The following PEAK1 variants were observed in gnomAD, a reference collection of about 807,000 sequenced individuals.
PEAK1 encodes the protein pseudopodium enriched atypical kinase 1, also known as inactive tyrosine-protein kinase PEAK1.
PEAK1 carries 54 observed loss-of-function variants against 124.7 expected under a neutral mutation model. The ratio of observed to expected loss-of-function variants is 0.43; its 90% CI spans 0.35 to 0.54. PEAK1 has a LOEUF of 0.54. PEAK1 is among the 20% of genes least tolerant of loss of function. The probability of loss-of-function intolerance (pLI) is 0.01; values close to 1 mark genes in which losing one functional copy is unlikely to be tolerated. For missense variants in PEAK1, 2,046 were observed against 2,134.5 expected (o/e 0.96, Z 0.82); for synonymous variants, 719 against 760.0 (o/e 0.95, Z 0.89).
At chr15:77,147,178 T>TC (rs1186098217) in intron 8 of PEAK1, among the ~76,000 whole-genome samples, 3 of 152,206 alleles carry the variant, frequency 2.0e-5, no homozygotes, top group African/African-American at 7.2e-5. Flanking sequence ...GCCAGCTGAT[T>TC]AATGGAGCAC....
At chr15:77,313,917 G>A (rs546194155) in intron 2 of PEAK1, among the ~76,000 whole-genome samples, 1 of 151,388 alleles carries the variant, frequency 6.6e-6, no homozygotes, top group Non-Finnish European at 1.5e-5. Context: ...ATGGAAAGAG[G>A]GGAAAAGAAT....
chr15:77,321,420 G>A (rs371065162), intron 2 of PEAK1, among the ~76,000 whole-genome samples: 2 of 152,166 alleles, frequency 1.3e-5, no homozygotes, highest in East Asian at 1.9e-4. Context: ...GTGATGATGG[G>A]CATTTTTTCA....
At chr15:77,322,650 CA>C (rs1056156646) in intron 2 of PEAK1, among the ~76,000 whole-genome samples, 23 of 151,868 alleles carry the variant, frequency 1.5e-4, no homozygotes, top group African/African-American at 5.6e-4. Context: ...GCTTACCAAC[CA>C]AAAAAAGTCC....
At chr15:77,201,142 T>TA (rs1195782840) in intron 6 of PEAK1, among the ~76,000 whole-genome samples, 2 of 151,766 alleles carry the variant, frequency 1.3e-5, no homozygotes, top group Non-Finnish European at 2.9e-5. Flanking sequence ...AACAGATTAG[T>TA]AAAAAGGGGT....
In PEAK1 at chr15:77,404,544, T is replaced by C. The variant is rs2071644531; in HGVS notation, c.-666+15462A>G. ...CATTAAAATTAATTTCACCTGCTTT[T>C]TTGTACTTTTTTAAATGTGGCTACT... On this transcript the variant is annotated intron_variant, in intron 1 of 9. Transcript: ENST00000682557. 5 of 674,504 alleles carry C rather than the reference T, an allele frequency of 7.4e-6. No homozygotes were observed. In the South Asian group the frequency reaches 2.7e-4, roughly 36 times the overall value. The allele number at this position is 674,504 out of a possible 1,614,324, so 41.8% of individuals were successfully genotyped here.
chr15:77,269,433 A>C (rs2061913272), intron 5 of PEAK1, among the ~76,000 whole-genome samples: 1 of 152,204 alleles, frequency 6.6e-6, no homozygotes, highest in Non-Finnish European at 1.5e-5. Context: ...GAGATACTAC[A>C]TAATGATAAA....
chr15:77,223,565 G>A (rs1039437855), intron 6 of PEAK1, among the ~76,000 whole-genome samples: 1 of 151,992 alleles, frequency 6.6e-6, no homozygotes, highest in Non-Finnish European at 1.5e-5. Flanking sequence ...CTAGTGGAAA[G>A]GAGTTATGGA....
chr15:77,323,247 A>G (rs1312637137), intron 2 of PEAK1, among the ~76,000 whole-genome samples: 3 of 151,936 alleles, frequency 2.0e-5, no homozygotes, highest in South Asian at 2.1e-4. Context: ...CTCTCTCACC[A>G]CTCCTATTCA....
chr15:77,329,402 C>T (rs2065769781), intron 2 of PEAK1, among the ~76,000 whole-genome samples: 1 of 152,038 alleles, frequency 6.6e-6, no homozygotes. Flanking sequence ...TTTGTTGATT[C>T]GTTGTTTAGG....
chr15:77,262,447 G>A (rs2061490294), intron 5 of PEAK1, among the ~76,000 whole-genome samples: 2 of 150,758 alleles, frequency 1.3e-5, no homozygotes, highest in Non-Finnish European at 2.9e-5. Context: ...AAAAAAGGCA[G>A]GGGTTGCAAT....
intron 1 of PEAK1, among the ~76,000 whole-genome samples, chr15:77,407,583 G>C (rs1366150571): frequency 2.6e-5 from 4 of 152,150 alleles, no homozygotes; most frequent in Admixed American, 6.5e-5. Context: ...ACTCCTGCAA[G>C]AATGGCCATA....
chr15:77,164,675 T>G (rs145040868), intron 7 of PEAK1, among the ~76,000 whole-genome samples: 1 of 152,266 alleles, frequency 6.6e-6, no homozygotes, highest in East Asian at 1.9e-4. Context: ...ACAGAAAAGA[T>G]CAATTAATTT....
At chr15:77,105,076 C>A (rs1474237509), downstream of PEAK1, 1 of 152,222 alleles carries the variant, frequency 6.6e-6, no homozygotes, top group African/African-American at 2.4e-5. Flanking sequence ...CAAAGATGAA[C>A]CATAGGCTTG....
intron 2 of PEAK1, among the ~76,000 whole-genome samples, chr15:77,313,648 A>ATATG (rs1555478014): frequency 1.1e-5 from 1 of 87,608 alleles, no homozygotes; most frequent in Non-Finnish European, 2.4e-5. Flanking sequence ...GTATGTATGT[A>ATATG]TGTATGTGTG....
intron 5 of PEAK1, among the ~76,000 whole-genome samples, chr15:77,277,734 G>C (rs1255878105): frequency 2.0e-5 from 3 of 152,036 alleles, no homozygotes; most frequent in African/African-American, 4.8e-5. Flanking sequence ...GATAAAAACT[G>C]GAATTAAGAA....
chr15:77,246,591 A>C (rs1395644810), intron 6 of PEAK1, among the ~76,000 whole-genome samples: 1 of 152,094 alleles, frequency 6.6e-6, no homozygotes, highest in African/African-American at 2.4e-5. Context: ...TTCTTTGATT[A>C]TTTTCATGAG....
chr15:77,225,666 T>TTTTATATATATATATATA (rs1555448932), intron 6 of PEAK1, among the ~76,000 whole-genome samples: 1 of 87,994 alleles, frequency 1.1e-5, no homozygotes, highest in Non-Finnish European at 2.3e-5. Context: ...TGTGTATAAT[T>TTTTATATATATATATATA]TATATATATA....
chr15:77,313,708 ATGTGTGTG>A (rs1216011901), intron 2 of PEAK1, among the ~76,000 whole-genome samples: 5 of 93,774 alleles, frequency 5.3e-5, no homozygotes, highest in Non-Finnish European at 1.1e-4. Flanking sequence ...ATATATATGT[ATGTGTGTG>A]TGTGTGTGTG....
chr15:77,334,438 C>CTTCAGTTGCTCTTCAGT, intron 2 of PEAK1: 1 of 985,226 alleles, frequency 1.0e-6, no homozygotes, highest in Non-Finnish European at 1.2e-6. Context: ...CTACTTGTAC[C>CTTCAGTTGCTCTTCAGT]TGCTTATCCT....
Sources: gnomAD v4.1 joint callset for allele counts (sites outside exome capture counted in the v4.1 genomes callset) on GRCh38, gnomAD v4.1.1 for gene constraint, MANE v1.5 for transcripts, NCBI Gene and HGNC (gene_info 2026-07-23, HGNC 2026-07-21) for gene names.